The following ZNF782 variants were observed in gnomAD, a reference collection of about 807,000 sequenced individuals.
The protein encoded by ZNF782 is zinc finger protein 782.
Under a neutral mutation model 13.0 loss-of-function variants are expected in ZNF782, and 12 were observed. That is an observed-to-expected ratio of 0.92 (90% confidence interval 0.59 to 1.50). ZNF782 has a LOEUF of 1.50. ZNF782 is among the 40% of genes most tolerant of loss of function. The pLI is 0.00. For synonymous variants in ZNF782, 284 were observed against 283.0 expected (o/e 1.00, Z -0.04); for missense variants, 770 against 822.9 (o/e 0.94, Z 0.79).
chr9:96,927,069 C>A, the ZNF782 span, among the ~76,000 whole-genome samples: 1 of 152,066 alleles, frequency 6.6e-6, no homozygotes, highest in African/African-American at 2.4e-5. Flanking sequence ...GTCATTCTGA[C>A]GCTGATAAAC....
intron 3 of ZNF782, among the ~76,000 whole-genome samples, chr9:96,859,554 G>C (rs765116774): frequency 1.7e-4 from 26 of 152,126 alleles, no homozygotes; most frequent in Non-Finnish European, 3.4e-4. Context: ...GAAGGACTCA[G>C]TAATGGCAGG....
At chr9:96,931,855 A>G in the ZNF782 span, 1 of 1,612,384 alleles carries the variant, frequency 6.2e-7, no homozygotes, top group Non-Finnish European at 8.5e-7. Flanking sequence ...TGGTTCCTCC[A>G]GCCGGCCCTC....
At chr9:96,909,748 A>AT in the ZNF782 span, among the ~76,000 whole-genome samples, 5 of 152,042 alleles carry the variant, frequency 3.3e-5, no homozygotes, top group East Asian at 3.9e-4. Context: ...TGTTTCATGC[A>AT]TAAAGTCATC....
chr9:96,930,765 A>G, the ZNF782 span, among the ~76,000 whole-genome samples: 1 of 142,336 alleles, frequency 7.0e-6, no homozygotes, highest in Non-Finnish European at 1.5e-5. Context: ...CCTATTTAAC[A>G]CTTGTGTGGG....
the ZNF782 span, chr9:96,889,684 A>C: frequency 6.6e-6 from 1 of 152,184 alleles, no homozygotes; most frequent in East Asian, 1.9e-4. Flanking sequence ...TAGAGGCGTG[A>C]GCCACCGCGC....
chr9:96,880,104 G>A (rs1449530070), upstream of ZNF782, among the ~76,000 whole-genome samples: 1 of 151,208 alleles, frequency 6.6e-6, no homozygotes, highest in Non-Finnish European at 1.5e-5. Context: ...TGGCTAATAC[G>A]TAATATGGTT....
intron 1 of ZNF782, among the ~76,000 whole-genome samples, chr9:96,866,842 T>G (rs1195753057): frequency 3.9e-5 from 6 of 152,214 alleles, no homozygotes; most frequent in Non-Finnish European, 8.8e-5. Flanking sequence ...CTCTGGAGCT[T>G]TAAGATTTGA....
the ZNF782 span, chr9:96,888,436 C>A: frequency 6.6e-6 from 1 of 152,102 alleles, no homozygotes; most frequent in Non-Finnish European, 1.5e-5. Context: ...ATCAACAAAT[C>A]CACAATTGTA....
At chr9:96,835,124 C>G (rs1850947876) in intron 4 of ZNF782, among the ~76,000 whole-genome samples, 1 of 152,174 alleles carries the variant, frequency 6.6e-6, no homozygotes, top group African/African-American at 2.4e-5. Context: ...TGCCTCAGGG[C>G]TTTATGGAAG....
chr9:96,859,746 C>T (rs1019384368), intron 3 of ZNF782, among the ~76,000 whole-genome samples: 7 of 152,150 alleles, frequency 4.6e-5, no homozygotes, highest in Admixed American at 2.6e-4. Context: ...AAGCCGAAGG[C>T]AGAGTAAAGA....
At chr9:96,917,945 T>TGTGTGTGTGTGTGTGTGTGTGTGTG in the ZNF782 span, among the ~76,000 whole-genome samples, 13 of 149,252 alleles carry the variant, frequency 8.7e-5, no homozygotes, top group African/African-American at 3.3e-4. Flanking sequence ...GGGGTCTGTG[T>TGTGTGTGTGTGTGTGTGTGTGTGTG]TGCCCAGGCT....
At chr9:96,886,591 A>T in the ZNF782 span, among the ~76,000 whole-genome samples, 3 of 152,204 alleles carry the variant, frequency 2.0e-5, no homozygotes, top group Non-Finnish European at 2.9e-5. Context: ...TTATACCTAG[A>T]GCAACCACTC....
intron 1 of ZNF782, among the ~76,000 whole-genome samples, chr9:96,853,314 T>G (rs1471865606): frequency 6.6e-6 from 1 of 152,198 alleles, no homozygotes; most frequent in Admixed American, 6.5e-5. Context: ...GATCAAGAAC[T>G]GCTTCTGACC....
chr9:96,921,544 CA>C, the ZNF782 span, among the ~76,000 whole-genome samples: 2 of 141,262 alleles, frequency 1.4e-5, no homozygotes, highest in African/African-American at 2.6e-5. Flanking sequence ...AAAACACAAA[CA>C]AAAAAAAGAA....
At chr9:96,836,817 T>C (rs1851017494) in intron 4 of ZNF782, among the ~76,000 whole-genome samples, 1 of 152,158 alleles carries the variant, frequency 6.6e-6, no homozygotes, top group African/African-American at 2.4e-5. Flanking sequence ...CTCACTCTCA[T>C]AGGAATAGAT....
At chr9:96,851,432 A>G (rs1230332779) in intron 3 of ZNF782, among the ~76,000 whole-genome samples, 1 of 152,184 alleles carries the variant, frequency 6.6e-6, no homozygotes, top group Non-Finnish European at 1.5e-5. Context: ...AGAAAAGAAG[A>G]AACAAGAAAA....
the ZNF782 span, chr9:96,892,246 TTAA>T: frequency 2.0e-5 from 3 of 152,194 alleles, no homozygotes; most frequent in African/African-American, 7.2e-5. Flanking sequence ...AGCAGCATTA[TTAA>T]TAATAGCCCA....
the ZNF782 span, among the ~76,000 whole-genome samples, chr9:96,932,800 G>A: frequency 3.3e-5 from 5 of 151,742 alleles, no homozygotes; most frequent in South Asian, 6.2e-4. Context: ...TTACAGGCAT[G>A]TGCCACCATG....
At chr9:96,858,617 T>C (rs1276251281), upstream of ZNF782, among the ~76,000 whole-genome samples, 1 of 152,194 alleles carries the variant, frequency 6.6e-6, no homozygotes, top group Admixed American at 6.5e-5. This position sits in a 1 kb window ranked among gnomAD's most constrained non-coding sequence, Gnocchi z 4.4. Context: ...ACAGTGAGAA[T>C]GGCTTTGTGG....
Sources: gnomAD v4.1 joint callset for allele counts (sites outside exome capture counted in the v4.1 genomes callset) on GRCh38, gnomAD v4.1.1 for gene constraint, Gnocchi (gnomAD v3.1) non-coding constraint, MANE v1.5 for transcripts, NCBI Gene and HGNC (gene_info 2026-07-23, HGNC 2026-07-21) for gene names.